The following OGN variants were observed in gnomAD, a reference collection of about 807,000 sequenced individuals.
The protein encoded by OGN is mimecan.
A neutral mutation model predicts 30.8 loss-of-function variants in OGN; 19 were observed. The observed-to-expected ratio is 0.62, with a 90% CI of 0.43 to 0.90. The LOEUF (loss-of-function observed/expected upper bound fraction) is 0.90, where lower values mean the gene tolerates loss of function less well. OGN is among the 40% of genes least tolerant of loss of function. The pLI is 0.00. For missense variants in OGN, 283 were observed against 349.7 expected (o/e 0.81, Z 1.52); for synonymous variants, 126 against 128.3 (o/e 0.98, Z 0.12).
chr9:92,387,253 T>A (rs1057409140), intron 5 of OGN, among the ~76,000 whole-genome samples: 3 of 150,990 alleles, frequency 2.0e-5, no homozygotes, highest in Non-Finnish European at 4.4e-5. Context: ...ATGCCTGTAA[T>A]CCCAGCTACT....
At chr9:92,390,193 C>T (rs1842615167) in intron 4 of OGN, 137 bp from the exon 5 acceptor site, 2 of 576,580 alleles carry the variant, frequency 3.5e-6, no homozygotes, top group East Asian at 2.9e-5. Context: ...AATTCATAGC[C>T]CAGTAAAGTT....
Position 92,393,081 on chromosome 9 carries a change from C to G in OGN, c.427+5G>C. 1 of 1,611,742 alleles carries G rather than the reference C, an allele frequency of 6.2e-7. No homozygotes were observed. Among genetic ancestry groups the G allele is most frequent in the Non-Finnish European group, 8.5e-7 (1 of 1,178,806 alleles). On this transcript the variant is annotated splice_donor_5th_base_variant and intron_variant, in intron 4 of 6. Coordinates refer to ENST00000375561, the MANE Select transcript of OGN (RefSeq NM_014057.5). ...ATACTAATATCATATTTCAGCTTAA[C>G]TTACGTATGTCTGCAAAATCTTTGG...
intron 5 of OGN, among the ~76,000 whole-genome samples, chr9:92,387,053 GAA>G (rs903436031): frequency 0.062 from 3,088 of 50,118 alleles, 39 homozygotes; most frequent in South Asian, 0.12. Flanking sequence ...GTCTCAAAAA[GAA>G]AAAAAAAAAA....
At position 92,397,359 on chromosome 9, in the gene OGN, G is replaced by A. The variant is rs548988366; in HGVS notation, c.268+3733C>T. ...TCATTTGTTTTTAAGACAGAGTCTCGCCCTGTCACCCAGGCTGGAGTGCAG... is the reference window on the plus strand; with the variant it reads ...TCATTTGTTTTTAAGACAGAGTCTCACCCTGTCACCCAGGCTGGAGTGCAG... On this transcript the variant is annotated intron_variant, in intron 3 of 6. Transcript: ENST00000375561. Among the ~76,000 whole-genome samples the A allele has an allele frequency of 6.2e-4, 94 of 152,080 alleles. 1 individual carries two copies. Among genetic ancestry groups the A allele is most frequent in the African/African-American group, 2.1e-3 (89 of 41,472 alleles).
Position 92,403,502 on chromosome 9 carries a change from C to A in OGN, c.-75-20G>T. On this transcript the variant is annotated intron_variant, in intron 1 of 6. Transcript: ENST00000375561. ...TTTTCCCTGGAAATAAAAATTCAGACCATCGAAGCAATATTTAAAAGCTTA... is the reference window on the plus strand; with the variant it reads ...TTTTCCCTGGAAATAAAAATTCAGAACATCGAAGCAATATTTAAAAGCTTA... The A allele has an allele frequency of 6.8e-7, 1 of 1,479,508 alleles. No homozygotes were observed. The highest frequency in any genetic ancestry group is 2.3e-5 in the East Asian group (1 of 43,274). The allele number at this position is 1,479,508 out of a possible 1,614,324, so 91.6% of individuals were successfully genotyped here.
At position 92,384,336 on chromosome 9, in the gene OGN, A is replaced by C. The variant is rs910062479; in HGVS notation, c.*1284T>G. On this transcript the variant is annotated 3_prime_UTR_variant, in exon 7 of 7. Transcript: ENST00000375561. ...AAGCAAATGCTTAAAAATGGGAATA[A>C]GTATGTATTCTGTACACAGAGACAA... The C allele has an allele frequency of 6.6e-6, 1 of 152,186 alleles. No homozygotes were observed. The highest frequency in any genetic ancestry group is 1.5e-5 in the Non-Finnish European group (1 of 68,016). The allele number at this position is 152,186 out of a possible 1,614,324, so 9.4% of individuals were successfully genotyped here. A position where few individuals can be genotyped will look rare whatever the true frequency, so the allele number is the denominator to read the frequency against.
rs983039314 is a variant in OGN at position 92,400,228 on chromosome 9, G to A, written c.268+864C>T. 5.3e-5 allele frequency among the ~76,000 whole-genome samples: 8 copies of A among 152,188 alleles called. 1 individual carries two copies. Among genetic ancestry groups the A allele is most frequent in the Non-Finnish European group, 4.4e-5 (3 of 68,006 alleles). ...TACAATGGCACGACCTCGGCTCACC[G>A]CAACCTCCACCTCCCAGGTTCAAGC... is the stretch of plus-strand genomic sequence containing the variant. On this transcript the variant is annotated intron_variant, in intron 3 of 6. Transcript: ENST00000375561.
At position 92,385,655 on chromosome 9, in the gene OGN, A is replaced by T. The variant is rs761238983; in HGVS notation, c.862T>A (p.Cys288Ser). 1 of 1,614,206 alleles carries T rather than the reference A, an allele frequency of 6.2e-7. No homozygotes were observed. The highest frequency in any genetic ancestry group is 1.1e-5 in the South Asian group (1 of 91,084). Residue 288 changes from cysteine to serine, a missense_variant, in exon 7 of 7, where the codon TGC (cysteine) becomes AGC (serine). Coordinates refer to ENST00000375561, the MANE Select transcript of OGN (RefSeq NM_014057.5). ...GACCCTATCGGTAATCTTTTTAAGC[A>T]AATAAAACTGTTTGGATGCTTTCCC... is the stretch of plus-strand genomic sequence containing the variant. ...VLGKHPNSFI[C>S]LKRLPIGSYF
rs562080454 is a variant in OGN at position 92,399,754 on chromosome 9, G to A, written c.268+1338C>T. Among the ~76,000 whole-genome samples, 8 of 152,218 alleles carry A rather than the reference G, an allele frequency of 5.3e-5. No homozygotes were observed. In the South Asian group the frequency reaches 1.7e-3, roughly 32 times the overall value. ...TTCTCCCAGCACCATTTTTTAAAAA[G>A]ACCATTTTTGCTTCAGTGATTTAGG... On this transcript the variant is annotated intron_variant, in intron 3 of 6. Transcript: ENST00000375561.
chr9:92,384,808 C>T lies in OGN; in HGVS notation c.*812G>A, dbSNP rs373598362. ...AAAGGAAAATATTTTGCAGTTATCT[C>T]GTATTTGAAAGACTTTGCCATAGAG... On this transcript the variant is annotated 3_prime_UTR_variant, in exon 7 of 7. Transcript: ENST00000375561. The T allele has an allele frequency of 6.6e-6, 1 of 151,930 alleles. No individual in the cohort carries two copies. The highest frequency in any genetic ancestry group is 2.4e-5 in the African/African-American group (1 of 41,362). The allele number at this position is 151,930 out of a possible 1,614,324, so 9.4% of individuals were successfully genotyped here. A position where few individuals can be genotyped will look rare whatever the true frequency, so the allele number is the denominator to read the frequency against.
Position 92,389,873 on chromosome 9 carries a change from A to C in OGN, c.611T>G (p.Ile204Ser). ...AKYNKIKSRG[I>S]KANAFKKLNN... Reference sequence around the variant, plus strand: ...ACTTACTTTGAATGCATTTGCTTTGATTCCCCTACTCTTGATTTTGTTGTA... The same window carrying C: ...ACTTACTTTGAATGCATTTGCTTTGCTTCCCCTACTCTTGATTTTGTTGTA... Residue 204 changes from isoleucine (I) to serine (S), a missense_variant, in exon 5 of 7, where the codon ATC (isoleucine) becomes AGC (serine). Transcript: ENST00000375561. 4 of 1,611,150 alleles carry C rather than the reference A, an allele frequency of 2.5e-6. No homozygotes were observed. The highest frequency in any genetic ancestry group is 3.4e-6 in the Non-Finnish European group (4 of 1,178,024).
In OGN at chr9:92,384,034, G is replaced by A. The variant is rs897284700; in HGVS notation, c.*1586C>T. ...TCAATTCAAATGTACTCACTATTGTGCTAGGCAATTGAAAGTAAAAAGTAT... is the reference window on the plus strand; with the variant it reads ...TCAATTCAAATGTACTCACTATTGTACTAGGCAATTGAAAGTAAAAAGTAT... On this transcript the variant is annotated 3_prime_UTR_variant, in exon 7 of 7. Coordinates refer to ENST00000375561, the MANE Select transcript of OGN (RefSeq NM_014057.5). 16 of 152,198 alleles carry A rather than the reference G, an allele frequency of 1.1e-4. No homozygotes were observed. Among genetic ancestry groups the A allele is most frequent in the Non-Finnish European group, 1.9e-4 (13 of 67,980 alleles). 9.4% of individuals were successfully genotyped at this position (152,198 alleles called of 1,614,324 possible). A position where few individuals can be genotyped will look rare whatever the true frequency, so the allele number is the denominator to read the frequency against.
At position 92,385,611 on chromosome 9, in the gene OGN, C is replaced by T. The variant is rs772093039; in HGVS notation, c.*9G>A. ...GTGTACTTTCATTTATATGTTGTAC[C>T]AATAGAGGTTAAAAGTATGACCCTA... On this transcript the variant is annotated 3_prime_UTR_variant, in exon 7 of 7. Transcript: ENST00000375561. 5.6e-6 allele frequency: 9 copies of T among 1,611,316 alleles called. 1 individual carries two copies. In the South Asian group the frequency reaches 9.9e-5, roughly 18 times the overall value.
At chr9:92,386,323 T>G (rs1842420057) in intron 5 of OGN, 27 bp from the exon 6 acceptor site, 2 of 1,423,098 alleles carry the variant, frequency 1.4e-6, no homozygotes, top group East Asian at 4.6e-5. Context: ...ATGTGAGTGT[T>G]ATTGAGGTTC....
At chr9:92,394,239 T>C (rs947505641) in intron 3 of OGN, among the ~76,000 whole-genome samples, 1 of 152,068 alleles carries the variant, frequency 6.6e-6, no homozygotes, top group African/African-American at 2.4e-5. Flanking sequence ...TATTTTATTA[T>C]TTTATTTACT....
chr9:92,391,151 C>T (rs1349552434), intron 4 of OGN, among the ~76,000 whole-genome samples: 1 of 151,472 alleles, frequency 6.6e-6, no homozygotes, highest in Non-Finnish European at 1.5e-5. Flanking sequence ...AATCCCAGCA[C>T]TTTGGGAGGC....
chr9:92,398,233 T>C (rs1360767825), intron 3 of OGN, among the ~76,000 whole-genome samples: 1 of 152,244 alleles, frequency 6.6e-6, no homozygotes, highest in East Asian at 1.9e-4. Context: ...CTTCCTTTGC[T>C]GAGTTATTAA....
intron 1 of OGN, chr9:92,403,720 C>G (rs3758228): frequency 0.035 from 27,331 of 773,730 alleles, 558 homozygotes; most frequent in South Asian, 0.074. Context: ...AATTAAGTGC[C>G]TTCAGCAGAC....
Position 92,385,586 on chromosome 9 carries a change from G to A in OGN, c.*34C>T, listed in dbSNP as rs1316948258. ...TTGTTGAGACAGACTATTAGTGTAGGTGTACTTTCATTTATATGTTGTACC... is the reference window on the plus strand; with the variant it reads ...TTGTTGAGACAGACTATTAGTGTAGATGTACTTTCATTTATATGTTGTACC... On this transcript the variant is annotated 3_prime_UTR_variant, in exon 7 of 7. Transcript: ENST00000375561. 4 of 1,573,310 alleles carry A rather than the reference G, an allele frequency of 2.5e-6. No homozygotes were observed. The highest frequency in any genetic ancestry group is 1.7e-5 in the Admixed American group (1 of 59,688).
Sources: gnomAD v4.1 joint callset for allele counts (sites outside exome capture counted in the v4.1 genomes callset) on GRCh38, gnomAD v4.1.1 for gene constraint, MANE v1.5 for transcripts, NCBI Gene and HGNC (gene_info 2026-07-23, HGNC 2026-07-21) for gene names.